Variants in FREM1 observed in about 807,000 individuals in gnomAD.
FREM1 encodes FRAS1-related extracellular matrix protein 1.
FREM1 carries 220 observed loss-of-function variants against 210.1 expected under a neutral mutation model. The observed-to-expected ratio is 1.05, with a 90% CI of 0.94 to 1.17. The LOEUF is 1.17. FREM1 is among the 50% of genes most tolerant of loss of function. The pLI, the probability that FREM1 is intolerant of heterozygous loss-of-function variation, is 0.00. For missense variants in FREM1, 3,454 were observed against 2,675.5 expected, an observed-to-expected ratio of 1.29 and a Z score of -6.42; for synonymous variants, 1,189 against 980.2, an observed-to-expected ratio of 1.21 and a Z score of -3.98.
chr9:14,830,715 A>G (rs1823401942), intron 10 of FREM1, among the ~76,000 whole-genome samples: 1 of 151,234 alleles, frequency 6.6e-6, no homozygotes. Context: ...TAAATGCTCC[A>G]CTCCTTAAAA....
intron 15 of FREM1, among the ~76,000 whole-genome samples, chr9:14,813,979 C>T (rs1181830081): frequency 6.6e-6 from 1 of 152,156 alleles, no homozygotes; most frequent in Non-Finnish European, 1.5e-5. Flanking sequence ...TGGCCTTATC[C>T]CATGCTATGG....
In FREM1 at chr9:14,842,409, C is replaced by G; in HGVS notation, c.1645G>C (p.Asp549His). 1 of 1,613,966 alleles carries G rather than the reference C, an allele frequency of 6.2e-7. No homozygotes were observed. Reference protein sequence around the residue: ...LIQGSMLRASDVDASDDYIFF... With the variant: ...LIQGSMLRASHVDASDDYIFF... ...ATGTAGTCATCACTGGCGTCCACAT[C>G]TGAAGCTCGCAGCATGGATCCCTGG... Residue 549 changes from aspartate (D) to histidine (H), a missense_variant, in exon 9 of 37, where the codon GAT becomes CAT. Transcript: ENST00000380880.
intron 28 of FREM1, among the ~76,000 whole-genome samples, chr9:14,757,888 TG>T (rs1844726745): frequency 6.6e-6 from 1 of 152,212 alleles, no homozygotes; most frequent in Non-Finnish European, 1.5e-5. Context: ...AAGGCTCCTC[TG>T]GAACCACCTT....
chr9:14,807,727 GAAATATTAA>G (rs1293282176), intron 17 of FREM1, among the ~76,000 whole-genome samples: 1 of 151,830 alleles, frequency 6.6e-6, no homozygotes, highest in Non-Finnish European at 1.5e-5. Context: ...TCTCCATACA[GAAATATTAA>G]AATTTTTAAA....
intron 1 of FREM1, among the ~76,000 whole-genome samples, chr9:14,873,094 T>C (rs902712123): frequency 1.3e-5 from 2 of 152,298 alleles, no homozygotes; most frequent in African/African-American, 2.4e-5. Context: ...AGGATTTTTG[T>C]ATCAATGTTC....
chr9:14,737,277 G>T lies in FREM1; in HGVS notation c.*119C>A. 1.6e-6 allele frequency: 1 copy of T among 619,162 alleles called. No individual in the cohort carries two copies. Among genetic ancestry groups the T allele is most frequent in the South Asian group, 2.9e-5 (1 of 34,342 alleles). The allele number at this position is 619,162 out of a possible 1,614,324, so 38.4% of individuals were successfully genotyped here. A position where few individuals can be genotyped will look rare whatever the true frequency, so the allele number is the denominator to read the frequency against. On this transcript the variant is annotated 3_prime_UTR_variant, in exon 37 of 37. Transcript: ENST00000380880. ...AAAAATGTCCCATTTTCACTAGACAGAATCACAAAGGTATACCCACTCAAT... is the reference window on the plus strand; with the variant it reads ...AAAAATGTCCCATTTTCACTAGACATAATCACAAAGGTATACCCACTCAAT...
chr9:14,751,964 C>T (rs1286737517), intron 29 of FREM1: 2 of 150,458 alleles, frequency 1.3e-5, no homozygotes, highest in Non-Finnish European at 2.9e-5. Context: ...AAACCAATTA[C>T]GTTCACAGTC....
intron 23 of FREM1, among the ~76,000 whole-genome samples, chr9:14,785,856 A>C (rs1031952609): frequency 5.3e-5 from 8 of 152,160 alleles, no homozygotes; most frequent in African/African-American, 1.9e-4. Context: ...AACAACATGA[A>C]TATATTTAAC....
intron 25 of FREM1, among the ~76,000 whole-genome samples, chr9:14,772,870 AT>A (rs1847835560): frequency 6.6e-6 from 1 of 152,198 alleles, no homozygotes; most frequent in African/African-American, 2.4e-5. Flanking sequence ...TGGTTGTTTT[AT>A]TTTGGTTTTG....
intron 1 of FREM1, among the ~76,000 whole-genome samples, chr9:14,899,259 A>G (rs1158691423): frequency 3.3e-5 from 5 of 151,432 alleles, no homozygotes; most frequent in Non-Finnish European, 3.0e-5. Context: ...ATGTGGCTGC[A>G]CACCCATGCC....
At chr9:14,903,100 T>C (rs28379986) in intron 1 of FREM1, among the ~76,000 whole-genome samples, 6,494 of 152,286 alleles carry the variant, frequency 0.043, 399 homozygotes, top group African/African-American at 0.13. Flanking sequence ...TTTTTTTGAT[T>C]GTTCCAAAAT....
At chr9:14,749,179 T>C (rs1009542034) in intron 30 of FREM1, among the ~76,000 whole-genome samples, 2 of 152,166 alleles carry the variant, frequency 1.3e-5, no homozygotes, top group Non-Finnish European at 2.9e-5. Context: ...TGGGAAGGCA[T>C]AAAAAATTTG....
intron 10 of FREM1, among the ~76,000 whole-genome samples, chr9:14,831,970 G>A (rs558751919): frequency 6.6e-6 from 1 of 152,230 alleles, no homozygotes; most frequent in East Asian, 1.9e-4. Context: ...CTCCATCCTG[G>A]ATCACATACC....
At chr9:14,904,239 G>C (rs761875831) in intron 1 of FREM1, among the ~76,000 whole-genome samples, 18 of 151,648 alleles carry the variant, frequency 1.2e-4, no homozygotes, top group Non-Finnish European at 2.4e-4. Context: ...TTTCTCATTA[G>C]AAATATTTAG....
intron 21 of FREM1, among the ~76,000 whole-genome samples, chr9:14,793,544 A>T (rs2091905591): frequency 6.6e-6 from 1 of 152,158 alleles, no homozygotes; most frequent in Non-Finnish European, 1.5e-5. Context: ...TGGTTTCTAT[A>T]GCTCCTTTAC....
chr9:14,851,307 G>C lies in FREM1; in HGVS notation c.1129C>G (p.His377Asp), dbSNP rs1827699828. The C allele has an allele frequency of 6.3e-7, 1 of 1,597,892 alleles. No homozygotes were observed. The highest frequency in any genetic ancestry group is 8.5e-7 in the Non-Finnish European group (1 of 1,170,976). ...ACCTCATCATGTCTCCTCTCAGAAT[G>C]GCTGCTGTTTGGTGGCTGATAGGCG... ...QIAYQPPNSS[H>D]SERRHDEVEL... The change falls in exon 6 of 37, where the codon CAT (histidine) becomes GAT (aspartate). Residue 377 changes from histidine (H) to aspartate (D), a missense_variant. By Grantham distance (81) the His-to-Asp change is moderately conservative. Transcript: ENST00000380880.
At chr9:14,790,081 T>G (rs1332380821) in intron 22 of FREM1, among the ~76,000 whole-genome samples, 1 of 152,166 alleles carries the variant, frequency 6.6e-6, no homozygotes, top group African/African-American at 2.4e-5. Flanking sequence ...GATACTTTGG[T>G]CCAAGACTTT....
At position 14,737,600 on chromosome 9, in the gene FREM1, T is replaced by C. The variant is rs1223843299; in HGVS notation, c.6341-5A>G. On this transcript the variant is annotated splice_polypyrimidine_tract_variant and splice_region_variant and intron_variant, in intron 36 of 36. Transcript: ENST00000380880. ...CATGCACTTGGTCGTTCAAACCTAA[T>C]GTGAACCAAAAGAATGTACCAATTA... 5.2e-6 allele frequency: 8 copies of C among 1,524,696 alleles called. No homozygotes were observed. Among genetic ancestry groups the C allele is most frequent in the Non-Finnish European group, 7.0e-6 (8 of 1,136,998 alleles). The allele number at this position is 1,524,696 out of a possible 1,614,324, so 94.4% of individuals were successfully genotyped here.
intron 35 of FREM1, among the ~76,000 whole-genome samples, chr9:14,743,922 G>A (rs757031912): frequency 7.9e-5 from 12 of 152,068 alleles, no homozygotes; most frequent in African/African-American, 2.9e-4. Context: ...AGCTTTCAGT[G>A]CATTACGACA....
Sources: gnomAD v4.1 joint callset for allele counts (sites outside exome capture counted in the v4.1 genomes callset) on GRCh38, gnomAD v4.1.1 for gene constraint, MANE v1.5 for transcripts, NCBI Gene and HGNC (gene_info 2026-07-23, HGNC 2026-07-21) for gene names.